Variants in SGMS1 observed in about 807,000 individuals in gnomAD.
SGMS1 encodes the protein phosphatidylcholine:ceramide cholinephosphotransferase 1.
Under a neutral mutation model 46.2 loss-of-function variants are expected in SGMS1, and 13 were observed. The ratio of observed to expected loss-of-function variants is 0.28; its 90% CI spans 0.18 to 0.45. SGMS1 has a LOEUF of 0.45. Ranked by LOEUF, SGMS1 falls within the 20% of genes least tolerant of loss-of-function variation. The pLI is 1.00. For missense variants in SGMS1, 324 were observed against 519.9 expected (o/e 0.62, Z 3.66); for synonymous variants, 203 against 187.8 (o/e 1.08, Z -0.66).
chr10:50,476,912 C>G (rs988529989), intron 3 of SGMS1, among the ~76,000 whole-genome samples: 3 of 152,238 alleles, frequency 2.0e-5, no homozygotes, highest in Non-Finnish European at 2.9e-5. Context: ...GATGTCCAGA[C>G]AGAAGTCTGC....
intron 2 of SGMS1, among the ~76,000 whole-genome samples, chr10:50,568,904 C>T (rs1448889074): frequency 6.6e-6 from 1 of 151,930 alleles, no homozygotes; most frequent in African/African-American, 2.4e-5. Flanking sequence ...AACCCAAACG[C>T]CTGTCAATGA....
At chr10:50,321,273 C>T (rs907457045) in intron 8 of SGMS1, among the ~76,000 whole-genome samples, 2 of 152,260 alleles carry the variant, frequency 1.3e-5, no homozygotes, top group Admixed American at 1.3e-4. Context: ...AAAATGCATA[C>T]ATAAGGAACT....
At chr10:50,519,220 G>A (rs1028366800) in intron 3 of SGMS1, among the ~76,000 whole-genome samples, 2 of 152,120 alleles carry the variant, frequency 1.3e-5, no homozygotes, top group South Asian at 4.1e-4. Context: ...CACAGACACA[G>A]AAATAGAACA....
rs796801721 is a variant in SGMS1, at chr10:50,388,467, C to T, written c.-231-44122G>A. 3.8e-3 allele frequency among the ~76,000 whole-genome samples: 514 copies of T among 135,614 alleles called. 3 individuals are homozygous for T. Among genetic ancestry groups the T allele is most frequent in the African/African-American group, 0.014 (495 of 35,190 alleles). The allele number at this position is 135,614 out of a possible 152,430, so 89.0% of individuals were successfully genotyped here. On this transcript the variant is annotated intron_variant, in intron 6 of 10. Coordinates refer to ENST00000361781, the MANE Select transcript of SGMS1 (RefSeq NM_147156.4). ...TGGTCAATATTGCAAAACCCTGTCT[C>T]TACTAAAAAAAAAAAAAAAAAAAAA...
intron 8 of SGMS1, among the ~76,000 whole-genome samples, chr10:50,325,241 A>G (rs1847511986): frequency 6.6e-6 from 1 of 152,232 alleles, no homozygotes; most frequent in African/African-American, 2.4e-5. Context: ...GGAGTTCCTT[A>G]TAGCAGTTGG....
At chr10:50,324,243 C>T (rs1246628048) in intron 8 of SGMS1, among the ~76,000 whole-genome samples, 2 of 152,116 alleles carry the variant, frequency 1.3e-5, no homozygotes, top group African/African-American at 4.8e-5. Flanking sequence ...AATGACTTGC[C>T]CAATGCTAGT....
chr10:50,398,484 C>T (rs1013854940), intron 6 of SGMS1, among the ~76,000 whole-genome samples: 17 of 152,214 alleles, frequency 1.1e-4, no homozygotes, highest in Middle Eastern at 3.4e-3. Flanking sequence ...AATTGCAGAA[C>T]GTTTGTAAGC....
Position 50,495,966 on chromosome 10 carries a change from G to A in SGMS1, c.-498+23865C>T, listed in dbSNP as rs139650984. On this transcript the variant is annotated intron_variant, in intron 3 of 10. Transcript: ENST00000361781. Reference sequence around the variant, plus strand: ...TTTACAGAGCTTTTTAAAGTCATGTGCACGTATTTCCTTTTTTTAATTAAA... The same window carrying A: ...TTTACAGAGCTTTTTAAAGTCATGTACACGTATTTCCTTTTTTTAATTAAA... Among the ~76,000 whole-genome samples, 55 of 152,194 alleles carry A rather than the reference G, an allele frequency of 3.6e-4. No individual in the cohort carries two copies. In the East Asian group the frequency reaches 9.8e-3, roughly 27 times the overall value.
chr10:50,463,098 G>C (rs1837287798), intron 4 of SGMS1, among the ~76,000 whole-genome samples: 1 of 151,996 alleles, frequency 6.6e-6, no homozygotes. Context: ...AATACATAGA[G>C]GAAATGCTTC....
intron 6 of SGMS1, among the ~76,000 whole-genome samples, chr10:50,388,690 GAATA>G (rs1365015669): frequency 3.3e-5 from 5 of 151,964 alleles, no homozygotes; most frequent in African/African-American, 1.2e-4. Context: ...ATGTACTGTA[GAATA>G]AATGGAAAAA....
chr10:50,311,544 G>A lies in SGMS1; in HGVS notation c.742-129C>T. 1.7e-5 allele frequency: 8 copies of A among 476,952 alleles called. No homozygotes were observed. In the South Asian group the frequency reaches 2.4e-4, roughly 14 times the overall value. 29.5% of individuals were successfully genotyped at this position (476,952 alleles called of 1,614,324 possible). ...ACATAAAATCCCCACCAGGAAGTTTGCCCACTCAGTGTTTACCATTCCAAG... is the reference window on the plus strand; with the variant it reads ...ACATAAAATCCCCACCAGGAAGTTTACCCACTCAGTGTTTACCATTCCAAG... On this transcript the variant is annotated intron_variant, in intron 8 of 10. Coordinates refer to ENST00000361781, the MANE Select transcript of SGMS1 (RefSeq NM_147156.4).
At chr10:50,497,076 G>A (rs1837621466) in intron 3 of SGMS1, among the ~76,000 whole-genome samples, 1 of 152,156 alleles carries the variant, frequency 6.6e-6, no homozygotes, top group Non-Finnish European at 1.5e-5. Context: ...TGTAGAGACA[G>A]CTCTACTGTC....
chr10:50,474,794 A>C (rs970069378), intron 3 of SGMS1, among the ~76,000 whole-genome samples: 1 of 152,214 alleles, frequency 6.6e-6, no homozygotes, highest in East Asian at 1.9e-4. Flanking sequence ...AGTGCTATCC[A>C]TTTAGTCATT....
intron 7 of SGMS1, chr10:50,336,149 C>G (rs924492687): frequency 6.6e-6 from 1 of 152,142 alleles, no homozygotes; most frequent in Non-Finnish European, 1.5e-5. Context: ...AAAAAGAAGA[C>G]AGAGGAGGCA....
At chr10:50,319,338 G>A (rs1037481543) in intron 8 of SGMS1, among the ~76,000 whole-genome samples, 8 of 151,864 alleles carry the variant, frequency 5.3e-5, no homozygotes, top group Non-Finnish European at 7.4e-5. Flanking sequence ...GGAAGAAGTC[G>A]AATAAATTAA....
intron 2 of SGMS1, among the ~76,000 whole-genome samples, chr10:50,529,690 G>A (rs1177723794): frequency 2.6e-5 from 4 of 151,944 alleles, no homozygotes; most frequent in Admixed American, 6.6e-5. Flanking sequence ...CCATCTAATC[G>A]ACTATTTCAG....
At chr10:50,356,576 TAAAA>T (rs951520553) in intron 6 of SGMS1, among the ~76,000 whole-genome samples, 1 of 150,420 alleles carries the variant, frequency 6.6e-6, no homozygotes, top group Non-Finnish European at 1.5e-5. Flanking sequence ...CTAAAAAAAT[TAAAA>T]AAAAATTTAT....
intron 3 of SGMS1, among the ~76,000 whole-genome samples, chr10:50,469,664 C>T (rs530041153): frequency 7.9e-5 from 12 of 152,222 alleles, no homozygotes; most frequent in African/African-American, 2.9e-4. Context: ...TAATGACATT[C>T]AGAATACTGG....
At chr10:50,523,323 T>A (rs1234516347) in intron 2 of SGMS1, among the ~76,000 whole-genome samples, 1 of 152,238 alleles carries the variant, frequency 6.6e-6, no homozygotes, top group African/African-American at 2.4e-5. Context: ...AAATGCTCTT[T>A]ACTTAAAGAT....
Sources: allele counts gnomAD v4.1 joint callset (sites outside exome capture counted in the v4.1 genomes callset), GRCh38; gene constraint gnomAD v4.1.1; transcripts MANE v1.5; gene names NCBI Gene and HGNC (gene_info 2026-07-23, HGNC 2026-07-21).